The following FLNB variants were observed in gnomAD, a reference collection of about 807,000 sequenced individuals.
FLNB encodes the protein filamin B, also known as filamin-B.
FLNB carries 111 observed loss-of-function variants against 250.6 expected under a neutral mutation model. The ratio of observed to expected loss-of-function variants is 0.44; its 90% CI spans 0.38 to 0.52. The LOEUF is 0.52. Ranked by LOEUF, FLNB falls within the 20% of genes least tolerant of loss-of-function variation. The pLI is 0.00. For synonymous variants in FLNB, 1,302 were observed against 1,372.1 expected, an observed-to-expected ratio of 0.95 and a Z score of 1.13; for missense variants, 2,869 against 3,447.8, an observed-to-expected ratio of 0.83 and a Z score of 4.20.
rs747248186 is a variant in FLNB at position 58,125,723 on chromosome 3, T to A, written c.4041T>A (p.Asn1347Lys). 1 of 1,614,196 alleles carries A rather than the reference T, an allele frequency of 6.2e-7. No individual in the cohort carries two copies. The highest frequency in any genetic ancestry group is 8.5e-7 in the Non-Finnish European group (1 of 1,180,032). Reference protein sequence around the residue: ...GLKEAFTNKPNVFTVVTRGAG... With the variant: ...GLKEAFTNKPKVFTVVTRGAG... ...AAGAGGCCTTTACCAACAAGCCCAA[T>A]GTCTTCACCGTGGTTACCAGGTAGG... Residue 1347 changes from asparagine (N) to lysine (K), a missense_variant, in exon 23 of 46, where the codon AAT (asparagine) becomes AAA (lysine). Transcript: ENST00000295956.
intron 4 of FLNB, among the ~76,000 whole-genome samples, chr3:58,089,946 C>A (rs1212108539): frequency 1.3e-5 from 2 of 152,064 alleles, no homozygotes; most frequent in African/African-American, 4.8e-5. Flanking sequence ...ACCACCACTT[C>A]TGGCTAATTT....
chr3:58,105,284 G>C, intron 11 of FLNB, 68 bp downstream of exon 11: 1 of 1,605,664 alleles, frequency 6.2e-7, no homozygotes, highest in Non-Finnish European at 8.5e-7. Context: ...GGCTGTGTCA[G>C]GCTGGATGTT....
intron 1 of FLNB, among the ~76,000 whole-genome samples, chr3:58,050,361 A>C (rs2097160512): frequency 6.6e-6 from 1 of 152,198 alleles, no homozygotes; most frequent in African/African-American, 2.4e-5. Flanking sequence ...TTTGCTGTGC[A>C]GGAGTGGGCT....
rs772512811 is a variant in FLNB, at chr3:58,163,336, C to T, written c.7198+6C>T. ...ACTCGAAGGGGGCACCACAGGTAAC[C>T]CACTCTTCTGCTTCTTGAAGCCTTA... is the stretch of plus-strand genomic sequence containing the variant. On this transcript the variant is annotated splice_donor_region_variant and intron_variant, in intron 43 of 45. Coordinates refer to ENST00000295956, the MANE Select transcript of FLNB (RefSeq NM_001457.4). 6.2e-7 allele frequency: 1 copy of T among 1,613,894 alleles called. No homozygotes were observed. The highest frequency in any genetic ancestry group is 1.3e-5 in the African/African-American group (1 of 75,038).
At chr3:58,108,592 T>C in intron 13 of FLNB, 21 bp downstream of exon 13, 1 of 1,483,980 alleles carries the variant, frequency 6.7e-7, no homozygotes, top group Non-Finnish European at 9.4e-7. Context: ...GGGGGCCACC[T>C]GTGCAGGTAA....
intron 4 of FLNB, among the ~76,000 whole-genome samples, chr3:58,084,330 A>G (rs1463808239): frequency 6.6e-6 from 1 of 152,196 alleles, no homozygotes; most frequent in African/African-American, 2.4e-5. Context: ...TGTCAACCAG[A>G]TTGGTCAAAT....
At chr3:58,100,589 CT>C (rs147921421) in intron 8 of FLNB, among the ~76,000 whole-genome samples, 13 of 124,922 alleles carry the variant, frequency 1.0e-4, no homozygotes, top group African/African-American at 9.7e-5. Context: ...TTTTCTTTTT[CT>C]TTTTTTTTTT....
chr3:58,012,960 T>C (rs2097101154), intron 1 of FLNB, among the ~76,000 whole-genome samples: 1 of 152,228 alleles, frequency 6.6e-6, no homozygotes, highest in Admixed American at 6.5e-5. Context: ...ACCCTGGCTA[T>C]TGATTCACAT....
intron 1 of FLNB, among the ~76,000 whole-genome samples, chr3:58,048,244 G>A (rs190181016): frequency 2.0e-5 from 3 of 151,898 alleles, no homozygotes; most frequent in African/African-American, 4.8e-5. Context: ...TTTGTCTTTC[G>A]TGACCGTGTC....
At chr3:58,042,274 C>G (rs1255462889) in intron 1 of FLNB, among the ~76,000 whole-genome samples, 4 of 150,598 alleles carry the variant, frequency 2.7e-5, no homozygotes, top group African/African-American at 9.8e-5. Context: ...TGCATTAGCT[C>G]TGTTTGATTA....
At chr3:58,109,837 C>A in intron 15 of FLNB, 138 bp downstream of exon 15, 1 of 1,398,876 alleles carries the variant, frequency 7.1e-7, no homozygotes, top group Non-Finnish European at 1.0e-6. Flanking sequence ...TGAGTCATTC[C>A]TTAGTGATAT....
intron 24 of FLNB, among the ~76,000 whole-genome samples, chr3:58,128,272 C>T (rs2097301197): frequency 6.6e-6 from 1 of 152,238 alleles, no homozygotes; most frequent in Non-Finnish European, 1.5e-5. Flanking sequence ...CACTCACTCT[C>T]TCTCACACTG....
chr3:58,095,221 TTATG>T (rs200323370), intron 5 of FLNB, among the ~76,000 whole-genome samples: 156 of 150,900 alleles, frequency 1.0e-3, no homozygotes, highest in African/African-American at 3.7e-3. Flanking sequence ...CAGTTGAGGT[TTATG>T]TATGTATTTA....
chr3:58,082,053 C>T (rs778085588), intron 4 of FLNB, among the ~76,000 whole-genome samples: 4 of 152,098 alleles, frequency 2.6e-5, no homozygotes, highest in Admixed American at 1.3e-4. Context: ...GAAGAGGAAT[C>T]GCGGGGTAGG....
chr3:58,056,569 A>G (rs1302946721), intron 1 of FLNB, among the ~76,000 whole-genome samples: 2 of 152,168 alleles, frequency 1.3e-5, no homozygotes, highest in Non-Finnish European at 2.9e-5. Flanking sequence ...TGTGTTTTAA[A>G]AAAGTATTTG....
intron 1 of FLNB, among the ~76,000 whole-genome samples, chr3:58,033,885 G>A (rs1397184680): frequency 6.6e-6 from 1 of 151,958 alleles, no homozygotes; most frequent in Non-Finnish European, 1.5e-5. Context: ...TTTTGAGACG[G>A]AGTCTCACTC....
intron 1 of FLNB, among the ~76,000 whole-genome samples, chr3:58,014,414 G>A (rs1025113998): frequency 1.3e-5 from 2 of 152,236 alleles, no homozygotes; most frequent in African/African-American, 2.4e-5. Flanking sequence ...ACCCCTTTCA[G>A]GAATCTCTGG....
rs189785975 is a variant in FLNB at position 58,143,536 on chromosome 3, C to T, written c.5348C>T (p.Thr1783Met). The T allele has an allele frequency of 5.5e-5, 89 of 1,614,136 alleles. 1 individual carries two copies. The highest frequency in any genetic ancestry group is 4.0e-4 in the South Asian group (36 of 91,072). The change falls in exon 32 of 46, where the codon ACG becomes ATG. Residue 1783 changes from threonine to methionine, a missense_variant. Thr to Met is a moderately conservative substitution (Grantham distance 81). Transcript: ENST00000295956. The part of the protein sequence containing the change: ...TPEIVDNKDG[T>M]VTVRYAPTEV... ...GAGATTGTGGACAACAAGGACGGCA[C>T]GGTCACTGTTAGATATGCCCCCACT...
Position 58,106,796 on chromosome 3 carries a change from T to C in FLNB, c.1864T>C (p.Cys622Arg). ...TGGCGAATATGCTGTTCACATCATG[T>C]GTGACGACGAAGACATCAAGGACAG... Reference protein sequence around the residue: ...EPGEYAVHIMCDDEDIKDSPY... With the variant: ...EPGEYAVHIMRDDEDIKDSPY... The change falls in exon 12 of 46, where the codon TGT (cysteine) becomes CGT (arginine). Residue 622 changes from cysteine to arginine, a missense_variant. Around this residue, in one of 5 missense-constraint regions of FLNB, gnomAD observed 1,348 missense variants for 1,466.7 expected, o/e 0.92. Transcript: ENST00000295956. The C allele has an allele frequency of 1.9e-6, 3 of 1,614,156 alleles. No individual in the cohort carries two copies. The highest frequency in any genetic ancestry group is 2.5e-6 in the Non-Finnish European group (3 of 1,180,020).
Sources: gnomAD v4.1 joint callset for allele counts (sites outside exome capture counted in the v4.1 genomes callset) on GRCh38, gnomAD v4.1.1 for gene constraint, gnomAD v4.1.1 regional missense constraint, MANE v1.5 for transcripts, NCBI Gene and HGNC (gene_info 2026-07-23, HGNC 2026-07-21) for gene names.